The following THSD7A variants were observed in gnomAD, a reference collection of about 807,000 sequenced individuals.
THSD7A encodes thrombospondin type-1 domain-containing protein 7A.
A neutral mutation model predicts 231.3 loss-of-function variants in THSD7A; 96 were observed. That is an observed-to-expected ratio of 0.41 (90% CI 0.35 to 0.49). The LOEUF is 0.49. THSD7A is among the 20% of genes least tolerant of loss of function. THSD7A has a pLI of 0.05. For missense variants in THSD7A, 2,290 were observed against 2,070.2 expected (o/e 1.11, Z -2.06); for synonymous variants, 940 against 743.3 (o/e 1.26, Z -4.30).
chr7:11,515,793 C>T (rs1449428921), intron 6 of THSD7A, among the ~76,000 whole-genome samples: 2 of 152,066 alleles, frequency 1.3e-5, no homozygotes, highest in Admixed American at 6.6e-5. Flanking sequence ...GATTTACATA[C>T]ATAATATCTT....
intron 16 of THSD7A, among the ~76,000 whole-genome samples, chr7:11,419,556 T>G (rs111785174): frequency 1.7e-4 from 26 of 152,320 alleles, no homozygotes; most frequent in African/African-American, 5.8e-4. Flanking sequence ...CAGGTAGTTC[T>G]TTATAGCAGT....
intron 4 of THSD7A, among the ~76,000 whole-genome samples, chr7:11,566,364 A>G (rs1429663445): frequency 6.6e-6 from 1 of 152,234 alleles, no homozygotes; most frequent in Non-Finnish European, 1.5e-5. Context: ...TTCTATTCTC[A>G]GAAATTCCGA....
At chr7:11,735,983 A>G (rs538192242) in intron 1 of THSD7A, among the ~76,000 whole-genome samples, 1 of 151,972 alleles carries the variant, frequency 6.6e-6, no homozygotes, top group Non-Finnish European at 1.5e-5. Flanking sequence ...TATATTAAAC[A>G]TATTTAAATA....
At chr7:11,741,544 A>G (rs1000405198) in intron 1 of THSD7A, among the ~76,000 whole-genome samples, 1 of 151,910 alleles carries the variant, frequency 6.6e-6, no homozygotes, top group Non-Finnish European at 1.5e-5. Context: ...CTAATGTTGC[A>G]TTATTTTTAT....
intron 1 of THSD7A, among the ~76,000 whole-genome samples, chr7:11,768,994 G>T (rs2128170750): frequency 6.7e-6 from 1 of 148,910 alleles, no homozygotes; most frequent in African/African-American, 2.5e-5. Flanking sequence ...CTCTCATTCT[G>T]TTGCCCAGGC....
intron 4 of THSD7A, among the ~76,000 whole-genome samples, chr7:11,548,096 G>C (rs946359587): frequency 6.6e-6 from 1 of 151,850 alleles, no homozygotes; most frequent in African/African-American, 2.4e-5. Context: ...GAATAAATAA[G>C]ATTGATAGAT....
chr7:11,420,075 A>G (rs1017451104), intron 16 of THSD7A, among the ~76,000 whole-genome samples: 6 of 152,236 alleles, frequency 3.9e-5, no homozygotes. Flanking sequence ...GAAGAGCATA[A>G]AAGTTTAGAA....
intron 4 of THSD7A, among the ~76,000 whole-genome samples, chr7:11,567,829 C>G (rs1790429531): frequency 6.6e-6 from 1 of 152,178 alleles, no homozygotes; most frequent in Non-Finnish European, 1.5e-5. Flanking sequence ...GTCTCCCAGT[C>G]TCGTTCTCTT....
At chr7:11,619,485 T>G (rs900807912) in intron 2 of THSD7A, among the ~76,000 whole-genome samples, 36 of 151,672 alleles carry the variant, frequency 2.4e-4, no homozygotes, top group African/African-American at 8.7e-4. Context: ...CATAGTTCAC[T>G]GCAGCCTCCA....
intron 1 of THSD7A, among the ~76,000 whole-genome samples, chr7:11,727,974 G>A (rs960127295): frequency 1.3e-5 from 2 of 151,904 alleles, no homozygotes; most frequent in Admixed American, 1.3e-4. Flanking sequence ...CAAACTGAAA[G>A]CAAGCTTCCT....
Position 11,406,680 on chromosome 7 carries a change from T to C in THSD7A, c.4063-206A>G, listed in dbSNP as rs920542315. ...CTAGCTAAAGACAGGAAAATAAATT[T>C]TCATTAAAATGAATCAGTCTCCAAA... On this transcript the variant is annotated intron_variant, in intron 21 of 27. Transcript: ENST00000423059. This position sits in a 1 kb window ranked among gnomAD's most constrained non-coding sequence, Gnocchi z 4.7. 4.6e-5 allele frequency among the ~76,000 whole-genome samples: 7 copies of C among 152,158 alleles called. No individual in the cohort carries two copies. Among genetic ancestry groups the C allele is most frequent in the Non-Finnish European group, 1.0e-4 (7 of 68,036 alleles).
chr7:11,831,601 A>G lies in THSD7A; in HGVS notation c.190+156T>C, dbSNP rs191163321. 2.0e-5 allele frequency among the ~76,000 whole-genome samples: 3 copies of G among 152,318 alleles called. No individual in the cohort carries two copies. Among genetic ancestry groups the G allele is most frequent in the Admixed American group, 2.0e-4 (3 of 15,304 alleles). On this transcript the variant is annotated intron_variant, in intron 1 of 27. Transcript: ENST00000423059. The surrounding 1 kb of genome is among the most constrained non-coding windows in gnomAD (Gnocchi z 5.0). ...CTTTTCTTTCCTAATTGCATCGGAC[A>G]TGACCTATTTGCTTCCTAAGAAATC...
intron 3 of THSD7A, among the ~76,000 whole-genome samples, chr7:11,591,669 T>G (rs889424440): frequency 2.0e-5 from 3 of 152,300 alleles, no homozygotes; most frequent in African/African-American, 7.2e-5. Flanking sequence ...GATTTGTTGC[T>G]TAACGAATTG....
chr7:11,808,371 T>C (rs2128183503), intron 1 of THSD7A, among the ~76,000 whole-genome samples: 1 of 152,278 alleles, frequency 6.6e-6, no homozygotes, highest in East Asian at 1.9e-4. Flanking sequence ...GGACACAGCA[T>C]CCCTCACCTT....
At chr7:11,477,298 A>C (rs1290983307) in intron 7 of THSD7A, among the ~76,000 whole-genome samples, 1 of 152,138 alleles carries the variant, frequency 6.6e-6, no homozygotes, top group Non-Finnish European at 1.5e-5. Context: ...TTCCAATTAG[A>C]GTTTATCTGA....
chr7:11,769,154 T>TATATA lies in THSD7A; in HGVS notation c.190+62602_190+62603insTATAT, dbSNP rs1554275711. Reference sequence around the variant, plus strand: ...ATATATATATATATATATATATATATTTTTTTTTTTTTTTGGTATTTTTGT... The same window carrying TATATA: ...ATATATATATATATATATATATATATATATATTTTTTTTTTTTTTGGTATTTTTGT... On this transcript the variant is annotated intron_variant, in intron 1 of 27. Transcript: ENST00000423059. Among the ~76,000 whole-genome samples, 69 of 29,362 alleles carry TATATA rather than the reference T, an allele frequency of 2.3e-3. 1 individual carries two copies. The highest frequency in any genetic ancestry group is 0.013 in the South Asian group (10 of 746). The allele number at this position is 29,362 out of a possible 152,430, so 19.3% of individuals were successfully genotyped here. A position where few individuals can be genotyped will look rare whatever the true frequency, so the allele number is the denominator to read the frequency against.
chr7:11,820,467 C>A (rs1425018922), intron 1 of THSD7A: 17 of 1,183,228 alleles, frequency 1.4e-5, no homozygotes, highest in Non-Finnish European at 2.0e-5. Flanking sequence ...GGCCCTGACC[C>A]GGAGGTCATC....
At chr7:11,394,463 C>A (rs6962087) in intron 23 of THSD7A, among the ~76,000 whole-genome samples, 2 of 152,084 alleles carry the variant, frequency 1.3e-5, no homozygotes, top group Admixed American at 6.6e-5. Flanking sequence ...CGGAAAGGTG[C>A]GAAGGCTCTG....
intron 6 of THSD7A, among the ~76,000 whole-genome samples, chr7:11,534,999 T>C (rs1001066439): frequency 6.6e-6 from 1 of 152,062 alleles, no homozygotes; most frequent in African/African-American, 2.4e-5. Flanking sequence ...AAAGAGAAAA[T>C]TGGTTGCTCT....
Sources: allele counts gnomAD v4.1 joint callset (sites outside exome capture counted in the v4.1 genomes callset), GRCh38; gene constraint gnomAD v4.1.1; non-coding constraint Gnocchi (gnomAD v3.1); transcripts MANE v1.5; gene names NCBI Gene and HGNC (gene_info 2026-07-23, HGNC 2026-07-21).